The following CP variants were observed in gnomAD, a reference collection of about 807,000 sequenced individuals.
CP encodes the protein ceruloplasmin.
Under a neutral mutation model 122.4 loss-of-function variants are expected in CP, and 64 were observed. The ratio of observed to expected loss-of-function variants is 0.52; its 90% CI spans 0.43 to 0.64. The LOEUF (loss-of-function observed/expected upper bound fraction) is 0.64, where lower values mean the gene tolerates loss of function less well. Ranked by LOEUF, CP falls within the 30% of genes least tolerant of loss-of-function variation. The pLI is 0.00. For synonymous variants in CP, 440 were observed against 436.4 expected (o/e 1.01, Z -0.10); for missense variants, 1,167 against 1,284.4 (o/e 0.91, Z 1.40).
Position 149,176,342 on chromosome 3 carries a change from G to A in CP, c.3089C>T (p.Pro1030Leu). The A allele has an allele frequency of 6.2e-7, 1 of 1,613,302 alleles. No homozygotes were observed. The highest frequency in any genetic ancestry group is 8.5e-7 in the Non-Finnish European group (1 of 1,179,396). ...GAGTAACCAAATTCCAGGTGTTCTTGGAAACATTTCTAGGGTTTGGTATGT... is the reference window on the plus strand; with the variant it reads ...GAGTAACCAAATTCCAGGTGTTCTTAGAAACATTTCTAGGGTTTGGTATGT... The part of the protein sequence containing the change: ...PGTYQTLEMF[P>L]RTPGIWLLHC... Residue 1030 changes from proline to leucine, a missense_variant, in exon 18 of 19, where the codon CCA becomes CTA. By Grantham distance (98) the Pro-to-Leu change is moderately conservative. Transcript: ENST00000264613.
chr3:149,180,242 C>A, intron 14 of CP: 1 of 159,618 alleles, frequency 6.3e-6, no homozygotes. Context: ...TTACCTCCCC[C>A]TCCAGTCCAT....
intron 9 of CP, among the ~76,000 whole-genome samples, chr3:149,193,124 C>A (rs1409105849): frequency 6.6e-6 from 1 of 152,092 alleles, no homozygotes; most frequent in Non-Finnish European, 1.5e-5. Flanking sequence ...TCGCTAGTTA[C>A]AACCGACTAA....
intron 9 of CP, among the ~76,000 whole-genome samples, chr3:149,190,730 A>T (rs1349080575): frequency 6.6e-6 from 1 of 152,044 alleles, no homozygotes; most frequent in Non-Finnish European, 1.5e-5. Context: ...AAAAGTCAAA[A>T]TAATTTTTAA....
At chr3:149,195,865 CA>C (rs1207450901) in intron 9 of CP, among the ~76,000 whole-genome samples, 256 of 54,550 alleles carry the variant, frequency 4.7e-3, no homozygotes, top group Middle Eastern at 0.015. Context: ...GACACCGTCT[CA>C]AAAAAAAAAA....
intron 3 of CP, 82 bp downstream of exon 3, chr3:149,210,085 A>G (rs572578212): frequency 2.0e-5 from 27 of 1,374,360 alleles, no homozygotes; most frequent in South Asian, 9.4e-5. Flanking sequence ...TCAGCACAGA[A>G]GACTTGATTT....
intron 9 of CP, among the ~76,000 whole-genome samples, chr3:149,195,117 G>A (rs73019045): frequency 0.068 from 10,350 of 152,126 alleles, 1,184 homozygotes; most frequent in African/African-American, 0.23. Flanking sequence ...AATATGATCC[G>A]CTCCTCGACT....
chr3:149,173,515 T>C lies in CP; in HGVS notation c.*199A>G, dbSNP rs1725192191. 1 of 451,036 alleles carries C rather than the reference T, an allele frequency of 2.2e-6. No homozygotes were observed. The highest frequency in any genetic ancestry group is 3.9e-5 in the Admixed American group (1 of 25,426). 27.9% of individuals were successfully genotyped at this position (451,036 alleles called of 1,614,324 possible). On this transcript the variant is annotated 3_prime_UTR_variant, in exon 19 of 19. Transcript: ENST00000264613. ...ACCTAGTGTACAAGTGTCAGTCATG[T>C]ATCATTATATAGTCTGTTGATCTTT...
rs567574792 is a variant in CP, at chr3:149,205,230, A to G, written c.1208+938T>C. ...CAGAAAATAACAAGTGTTGATGAGA[A>G]TGTGAAGAAATTGAAACCCCTGTAC... On this transcript the variant is annotated intron_variant, in intron 6 of 18. Transcript: ENST00000264613. Among the ~76,000 whole-genome samples, 52 of 151,258 alleles carry G rather than the reference A, an allele frequency of 3.4e-4. 1 individual carries two copies. In the South Asian group the frequency reaches 0.011, roughly 31 times the overall value.
chr3:149,173,825 A>C (rs1725217697), intron 18 of CP, 95 bp from the exon 19 acceptor site: 1 of 602,828 alleles, frequency 1.7e-6, no homozygotes. Context: ...TTTTAATGTT[A>C]CTTTACTCCT....
At chr3:149,212,109 C>T (rs550434525) in intron 2 of CP, among the ~76,000 whole-genome samples, 87 of 151,506 alleles carry the variant, frequency 5.7e-4, no homozygotes, top group African/African-American at 1.7e-3. Flanking sequence ...CTGGCTAACA[C>T]GGTGAAACCC....
At chr3:149,167,201 C>A in intron 4 of CP, 1 of 1,613,736 alleles carries the variant, frequency 6.2e-7, no homozygotes, top group South Asian at 1.1e-5. Context: ...CGGAGGCAGT[C>A]ATTCCATATG....
chr3:149,173,417 A>AT lies in CP; in HGVS notation c.*296dup, dbSNP rs1725183718. On this transcript the variant is annotated 3_prime_UTR_variant, in exon 19 of 19. Transcript: ENST00000264613. ...CACCCAGGAGAATATCTGGTCATAG[A>AT]TCTTTTTTTAAATGCAGTTTTATAA... is the stretch of plus-strand genomic sequence containing the variant. The AT allele has an allele frequency of 4.4e-6, 1 of 228,898 alleles. No individual in the cohort carries two copies. Among genetic ancestry groups the AT allele is most frequent in the Non-Finnish European group, 8.6e-6 (1 of 116,436 alleles). The allele number at this position is 228,898 out of a possible 1,614,324, so 14.2% of individuals were successfully genotyped here.
intron 13 of CP, 119 bp from the exon 14 acceptor site, chr3:149,182,252 AT>A: frequency 9.1e-7 from 1 of 1,101,868 alleles, no homozygotes; most frequent in Non-Finnish European, 1.4e-6. Flanking sequence ...ATACTCTTGG[AT>A]TTATACTGCG....
intron 9 of CP, among the ~76,000 whole-genome samples, chr3:149,196,966 C>T (rs7632719): frequency 0.066 from 10,113 of 152,124 alleles, 1,120 homozygotes; most frequent in African/African-American, 0.23. Context: ...TGTAAATGGC[C>T]GGTCTTTGCC....
intron 9 of CP, among the ~76,000 whole-genome samples, chr3:149,193,074 T>C (rs746186026): frequency 6.6e-6 from 1 of 152,088 alleles, no homozygotes; most frequent in Non-Finnish European, 1.5e-5. Flanking sequence ...TACTCTGACA[T>C]TGTCTCTTCT....
chr3:149,190,657 A>G (rs1726482026), intron 9 of CP, among the ~76,000 whole-genome samples: 2 of 104,006 alleles, frequency 1.9e-5, no homozygotes, highest in South Asian at 5.1e-4. Context: ...GACTCTGTCT[A>G]AAAAAAAAAA....
At chr3:149,214,847 G>A (rs946987384) in intron 1 of CP, among the ~76,000 whole-genome samples, 6 of 152,202 alleles carry the variant, frequency 3.9e-5, no homozygotes, top group Non-Finnish European at 8.8e-5. Context: ...AAGTTTAAAA[G>A]CAGAGAGTCA....
At position 149,182,143 on chromosome 3, in the gene CP, G is replaced by A. The variant is rs374708988; in HGVS notation, c.2426-10C>T. 1.2e-6 allele frequency: 2 copies of A among 1,613,860 alleles called. No homozygotes were observed. Among genetic ancestry groups the A allele is most frequent in the African/African-American group, 2.7e-5 (2 of 74,932 alleles). On this transcript the variant is annotated splice_polypyrimidine_tract_variant and intron_variant, in intron 13 of 18. Coordinates refer to ENST00000264613, the MANE Select transcript of CP (RefSeq NM_000096.4). ...GCATGAAGTTGTGGACCTGGCAAAA[G>A]TGAAGAGGAAGAGTGTCCAATCAGA...
At chr3:149,187,680 G>A (rs1416244093) in intron 10 of CP, among the ~76,000 whole-genome samples, 1 of 152,162 alleles carries the variant, frequency 6.6e-6, no homozygotes, top group East Asian at 1.9e-4. Flanking sequence ...AAACTGTAGC[G>A]TTCATCAGAA....
Sources: gnomAD v4.1 joint callset for allele counts (sites outside exome capture counted in the v4.1 genomes callset) on GRCh38, gnomAD v4.1.1 for gene constraint, MANE v1.5 for transcripts, NCBI Gene and HGNC (gene_info 2026-07-23, HGNC 2026-07-21) for gene names.